Variants in ST8SIA5 observed in about 807,000 individuals in gnomAD.
The protein encoded by ST8SIA5 is ST8 alpha-N-acetyl-neuraminide alpha-2,8-sialyltransferase 5, also known as alpha-2,8-sialyltransferase 8E.
A neutral mutation model predicts 40.2 loss-of-function variants in ST8SIA5; 24 were observed. That is an observed-to-expected ratio of 0.60 (90% CI 0.43 to 0.84). ST8SIA5 has a LOEUF of 0.84. Ranked by LOEUF, ST8SIA5 falls within the 40% of genes least tolerant of loss-of-function variation. ST8SIA5 has a pLI of 0.00. For missense variants in ST8SIA5, 465 were observed against 498.5 expected (o/e 0.93, Z 0.64); for synonymous variants, 198 against 201.8 (o/e 0.98, Z 0.16).
At chr18:46,719,702 C>CTT (rs1399283539) in intron 1 of ST8SIA5, among the ~76,000 whole-genome samples, 1 of 148,528 alleles carries the variant, frequency 6.7e-6, no homozygotes, top group African/African-American at 2.5e-5. Flanking sequence ...TTCTTTCTTT[C>CTT]TTTCTCTCTT....
chr18:46,682,014 T>C lies in ST8SIA5; in HGVS notation c.620A>G (p.Lys207Arg). Residue 207 changes from lysine to arginine, a missense_variant, in exon 6 of 7, where the codon AAG becomes AGG. Coordinates refer to ENST00000315087, the MANE Select transcript of ST8SIA5 (RefSeq NM_013305.6). ...SEKYTMDVGV[K>R]TDVVTVNPSI... ...GGGGTTCACAGTGACCACATCCGTC[T>C]TCACCCCCACATCCATGGTGTACTT... 6.2e-7 allele frequency: 1 copy of C among 1,613,750 alleles called. No homozygotes were observed. Among genetic ancestry groups the C allele is most frequent in the East Asian group, 2.2e-5 (1 of 44,860 alleles).
At chr18:46,718,886 T>C (rs2039821730) in intron 1 of ST8SIA5, among the ~76,000 whole-genome samples, 1 of 152,140 alleles carries the variant, frequency 6.6e-6, no homozygotes, top group South Asian at 2.1e-4. Flanking sequence ...GTGTCCTCGT[T>C]AGGTCCTCCC....
intron 1 of ST8SIA5, among the ~76,000 whole-genome samples, chr18:46,749,837 G>T (rs974457673): frequency 6.6e-6 from 1 of 152,072 alleles, no homozygotes; most frequent in African/African-American, 2.4e-5. Flanking sequence ...TGGAGGCTTG[G>T]GGGGATGATT....
chr18:46,702,690 T>C (rs1455897911), intron 2 of ST8SIA5, among the ~76,000 whole-genome samples: 1 of 152,228 alleles, frequency 6.6e-6, no homozygotes, highest in Non-Finnish European at 1.5e-5. Context: ...AAGCGTTGCC[T>C]GACATCCTCC....
intron 5 of ST8SIA5, among the ~76,000 whole-genome samples, chr18:46,683,457 A>G (rs1438277351): frequency 6.6e-6 from 1 of 152,108 alleles, no homozygotes. Context: ...GAGAACAGGA[A>G]GCACCCAGGA....
intron 1 of ST8SIA5, among the ~76,000 whole-genome samples, chr18:46,741,068 A>G (rs1041534144): frequency 8.5e-5 from 13 of 152,210 alleles, no homozygotes; most frequent in African/African-American, 3.1e-4. Context: ...AAGCATAAAA[A>G]TTAATAAAAT....
intron 4 of ST8SIA5, among the ~76,000 whole-genome samples, chr18:46,688,535 T>C (rs2039470563): frequency 1.3e-5 from 2 of 152,234 alleles, no homozygotes; most frequent in Admixed American, 1.3e-4. Context: ...TTCTAGTCAC[T>C]TTCTCGCCAA....
intron 2 of ST8SIA5, among the ~76,000 whole-genome samples, chr18:46,694,403 G>A (rs987447512): frequency 1.5e-4 from 23 of 152,070 alleles, no homozygotes; most frequent in Admixed American, 1.4e-3. Context: ...TGAGTAGTTC[G>A]AAAAATTGTA....
chr18:46,686,175 G>A lies in ST8SIA5; in HGVS notation c.568C>T (p.Arg190Trp), dbSNP rs758179870. Reference protein sequence around the residue: ...REINSADFVFRCNLPPISEKY... With the variant: ...REINSADFVFWCNLPPISEKY... Reference sequence around the variant, plus strand: ...GGGCAGTGCCAGGGTTTCTTTTACCGGAAGACGAAGTCGGCGCTGTTGATC... The same window carrying A: ...GGGCAGTGCCAGGGTTTCTTTTACCAGAAGACGAAGTCGGCGCTGTTGATC... The change falls in exon 5 of 7, where the codon CGG (arginine) becomes TGG (tryptophan). Residue 190 changes from arginine to tryptophan, a missense_variant and splice_region_variant. Arg to Trp is a moderately radical substitution (Grantham distance 101). Transcript: ENST00000315087. 26 of 1,613,938 alleles carry A rather than the reference G, an allele frequency of 1.6e-5. No individual in the cohort carries two copies. Among genetic ancestry groups the A allele is most frequent in the Middle Eastern group, 1.6e-4 (1 of 6,084 alleles).
intron 5 of ST8SIA5, among the ~76,000 whole-genome samples, chr18:46,684,612 A>G (rs562789907): frequency 2.0e-5 from 3 of 152,282 alleles, no homozygotes; most frequent in South Asian, 2.1e-4. Flanking sequence ...CAGAACCACT[A>G]TACGCTCCAC....
At chr18:46,752,733 C>G (rs11082558) in intron 1 of ST8SIA5, among the ~76,000 whole-genome samples, 55,501 of 152,144 alleles carry the variant, frequency 0.36, 10,890 homozygotes, top group African/African-American at 0.51. Context: ...CTAAATTCTC[C>G]CTGGAAGAGC....
rs1212177984 is a variant in ST8SIA5 at position 46,692,162 on chromosome 18, T to C, written c.311+7A>G. The stretch of plus-strand genomic sequence containing the variant: ...AGGAGAAGGGAGGACAGACGAATCA[T>C]AGATACTTGAACTGGTTGGCCTCAG... On this transcript the variant is annotated splice_region_variant and intron_variant, in intron 3 of 6. Coordinates refer to ENST00000315087, the MANE Select transcript of ST8SIA5 (RefSeq NM_013305.6). The C allele has an allele frequency of 1.2e-6, 2 of 1,613,988 alleles. No homozygotes were observed. Among genetic ancestry groups the C allele is most frequent in the Non-Finnish European group, 8.5e-7 (1 of 1,179,924 alleles).
intron 2 of ST8SIA5, among the ~76,000 whole-genome samples, chr18:46,699,625 C>T (rs879520808): frequency 2.6e-5 from 4 of 152,176 alleles, no homozygotes; most frequent in Admixed American, 6.5e-5. Context: ...GTGATCCACC[C>T]GCCTCGGCCT....
intron 1 of ST8SIA5, among the ~76,000 whole-genome samples, chr18:46,750,549 G>T (rs2040186216): frequency 6.6e-6 from 1 of 151,998 alleles, no homozygotes; most frequent in Non-Finnish European, 1.5e-5. Context: ...ACTGAAATAG[G>T]ATCCTGTCCC....
At chr18:46,694,492 T>C (rs1464964572) in intron 2 of ST8SIA5, among the ~76,000 whole-genome samples, 1 of 152,182 alleles carries the variant, frequency 6.6e-6, no homozygotes, top group Non-Finnish European at 1.5e-5. Flanking sequence ...CTCTTGATCA[T>C]GCACAGTCCC....
rs557320507 is a variant in ST8SIA5 at position 46,674,017 on chromosome 18, G to C, written c.*6025C>G. ...CCCAGGAAACAACCCCATGCTCCTG[G>C]TCTTCCCCTTCGCATCTGGAGCAGA... On this transcript the variant is annotated 3_prime_UTR_variant, in exon 7 of 7. Coordinates refer to ENST00000315087, the MANE Select transcript of ST8SIA5 (RefSeq NM_013305.6). The C allele has an allele frequency of 6.6e-6, 1 of 152,290 alleles. No individual in the cohort carries two copies. The highest frequency in any genetic ancestry group is 1.9e-4 in the East Asian group (1 of 5,150). The allele number at this position is 152,290 out of a possible 1,614,324, so 9.4% of individuals were successfully genotyped here. A position where few individuals can be genotyped will look rare whatever the true frequency, so the allele number is the denominator to read the frequency against.
In ST8SIA5 at chr18:46,728,413, C is replaced by T. The variant is rs116696102; in HGVS notation, c.132-23749G>A. ...TGTGGGCTCCTGCACAATCTGCCTT[C>T]GCATATGGTAGGCCTGGGGCCAAGC... On this transcript the variant is annotated intron_variant, in intron 1 of 6. Coordinates refer to ENST00000315087, the MANE Select transcript of ST8SIA5 (RefSeq NM_013305.6). 7.9e-4 allele frequency among the ~76,000 whole-genome samples: 121 copies of T among 152,330 alleles called. 2 individuals carry two copies. The highest frequency in any genetic ancestry group is 2.7e-3 in the African/African-American group (114 of 41,574).
chr18:46,723,918 C>A (rs557547916), intron 1 of ST8SIA5, among the ~76,000 whole-genome samples: 70 of 151,010 alleles, frequency 4.6e-4, no homozygotes, highest in African/African-American at 1.7e-3. Flanking sequence ...AAGAGCAAAA[C>A]TCCATCTAAA....
intron 1 of ST8SIA5, chr18:46,730,436 T>G (rs1175993056): frequency 5.8e-6 from 1 of 173,534 alleles, no homozygotes; most frequent in African/African-American, 2.4e-5. Flanking sequence ...TAAAATGTAT[T>G]TAACCCAATG....
Sources: allele counts gnomAD v4.1 joint callset (sites outside exome capture counted in the v4.1 genomes callset), GRCh38; gene constraint gnomAD v4.1.1; transcripts MANE v1.5; gene names NCBI Gene and HGNC (gene_info 2026-07-23, HGNC 2026-07-21).